CYP2C19: variants seen among roughly 807,000 people sequenced by gnomAD.
CYP2C19 encodes cytochrome P450 2C19.
A neutral mutation model predicts 40.9 loss-of-function variants in CYP2C19; 59 were observed. The observed-to-expected ratio is 1.44, with a 90% CI of 1.17 to 1.79. The LOEUF is 1.79. Ranked by LOEUF, CYP2C19 falls within the 40% of genes most tolerant of loss-of-function variation. CYP2C19 has a pLI of 0.00. For missense variants in CYP2C19, 754 were observed against 596.9 expected (o/e 1.26, Z -2.74); for synonymous variants, 253 against 208.7 (o/e 1.21, Z -1.83).
intron 3 of CYP2C19, 120 bp downstream of exon 3, chr10:94,775,659 G>A: frequency 2.6e-6 from 4 of 1,553,850 alleles, no homozygotes; most frequent in Admixed American, 3.4e-5. Flanking sequence ...GTTAGCTCAT[G>A]TGAAGCAGGG....
intron 5 of CYP2C19, among the ~76,000 whole-genome samples, chr10:94,813,286 T>C (rs966420818): frequency 2.0e-5 from 3 of 151,972 alleles, no homozygotes; most frequent in African/African-American, 7.3e-5. Flanking sequence ...CAAAGCTCTT[T>C]TGTATGAGGT....
chr10:94,811,559 G>A (rs1327369770), intron 5 of CYP2C19, among the ~76,000 whole-genome samples: 2 of 152,018 alleles, frequency 1.3e-5, no homozygotes, highest in Admixed American at 6.6e-5. Flanking sequence ...ATGAATCTGG[G>A]TGCTCCTGTA....
intron 5 of CYP2C19, among the ~76,000 whole-genome samples, chr10:94,815,507 C>G (rs533012045): frequency 2.6e-5 from 4 of 152,288 alleles, no homozygotes; most frequent in East Asian, 1.9e-4. Context: ...CTAAGTATTC[C>G]TCATCCATTG....
At chr10:94,845,453 T>A (rs1284168925) in intron 7 of CYP2C19, among the ~76,000 whole-genome samples, 1 of 152,198 alleles carries the variant, frequency 6.6e-6, no homozygotes, top group East Asian at 1.9e-4. Context: ...GCAGAGAGTA[T>A]TGTTTATTGA....
chr10:94,847,491 G>T (rs1409371188), intron 7 of CYP2C19, among the ~76,000 whole-genome samples: 1 of 152,090 alleles, frequency 6.6e-6, no homozygotes, highest in African/African-American at 2.4e-5. Flanking sequence ...TGGATATTTG[G>T]GTTGATTCCA....
chr10:94,775,318 A>T, intron 2 of CYP2C19, 72 bp from the exon 3 acceptor site: 1 of 1,612,424 alleles, frequency 6.2e-7, no homozygotes, highest in Middle Eastern at 2.1e-4. Flanking sequence ...GCCCATCCAC[A>T]TGGCTGCCCA....
chr10:94,823,087 G>C (rs1345827312), intron 6 of CYP2C19, among the ~76,000 whole-genome samples: 1 of 151,984 alleles, frequency 6.6e-6, no homozygotes, highest in South Asian at 2.1e-4. Flanking sequence ...GTACAGAGAG[G>C]ATAAACTTGT....
chr10:94,832,446 C>T (rs560796355), intron 6 of CYP2C19, among the ~76,000 whole-genome samples: 1 of 152,278 alleles, frequency 6.6e-6, no homozygotes, highest in South Asian at 2.1e-4. Context: ...GAAACCACCC[C>T]ATGTTTCAAT....
At position 94,853,267 on chromosome 10, in the gene CYP2C19, T is replaced by C; in HGVS notation, c.*353T>C. ...AAGCATTATTATTTGCTGAGTCAGG[T>C]TATTAGACCTTCCTTCCTTTGTGCA... On this transcript the variant is annotated 3_prime_UTR_variant, in exon 9 of 9. Transcript: ENST00000371321. The C allele has an allele frequency of 2.7e-6, 1 of 370,814 alleles. No individual in the cohort carries two copies. Among genetic ancestry groups the C allele is most frequent in the South Asian group, 2.3e-5 (1 of 42,792 alleles). The allele number at this position is 370,814 out of a possible 1,614,324, so 23.0% of individuals were successfully genotyped here.
chr10:94,789,929 T>C (rs190971977), intron 5 of CYP2C19, among the ~76,000 whole-genome samples: 6 of 152,280 alleles, frequency 3.9e-5, no homozygotes, highest in Admixed American at 3.9e-4. Flanking sequence ...ATAACTTACC[T>C]TGGGCAGTAT....
chr10:94,831,811 T>C (rs964296654), intron 6 of CYP2C19, among the ~76,000 whole-genome samples: 3 of 152,230 alleles, frequency 2.0e-5, no homozygotes, highest in African/African-American at 7.2e-5. Context: ...TAATCTCTTG[T>C]CAGATGAGTA....
intron 5 of CYP2C19, among the ~76,000 whole-genome samples, chr10:94,803,148 A>C (rs1266330156): frequency 2.0e-5 from 3 of 152,124 alleles, no homozygotes; most frequent in Non-Finnish European, 4.4e-5. Flanking sequence ...ATGGTGCCAG[A>C]ATTCTTATGC....
chr10:94,817,132 T>A (rs1485491774), intron 5 of CYP2C19, among the ~76,000 whole-genome samples: 1 of 147,656 alleles, frequency 6.8e-6, no homozygotes, highest in Non-Finnish European at 1.5e-5. Context: ...TTTCTAATTC[T>A]AGATCCCTGA....
chr10:94,847,181 C>T (rs189356514), intron 7 of CYP2C19, among the ~76,000 whole-genome samples: 1 of 152,206 alleles, frequency 6.6e-6, no homozygotes, highest in African/African-American at 2.4e-5. Flanking sequence ...CACCCATTAA[C>T]TTGTCATTTA....
intron 1 of CYP2C19, among the ~76,000 whole-genome samples, chr10:94,764,292 C>T (rs1023769304): frequency 1.3e-4 from 20 of 152,208 alleles, no homozygotes; most frequent in African/African-American, 4.3e-4. Context: ...CTGATTTGTC[C>T]ATTTTGCAGA....
At chr10:94,798,210 C>G (rs913685266) in intron 5 of CYP2C19, among the ~76,000 whole-genome samples, 2 of 152,062 alleles carry the variant, frequency 1.3e-5, no homozygotes, top group African/African-American at 2.4e-5. Flanking sequence ...TCATTGGTTT[C>G]AAAGAACATC....
At chr10:94,797,043 T>C (rs1373677821) in intron 5 of CYP2C19, among the ~76,000 whole-genome samples, 1 of 152,106 alleles carries the variant, frequency 6.6e-6, no homozygotes, top group Non-Finnish European at 1.5e-5. Context: ...ATAGGAGTGG[T>C]GAGAGAGGGC....
At chr10:94,794,601 C>T (rs1459925241) in intron 5 of CYP2C19, among the ~76,000 whole-genome samples, 1 of 152,020 alleles carries the variant, frequency 6.6e-6, no homozygotes, top group Non-Finnish European at 1.5e-5. Flanking sequence ...GGTAGTTCTC[C>T]TTGAAGAGGT....
chr10:94,791,288 A>G (rs528162933), intron 5 of CYP2C19, among the ~76,000 whole-genome samples: 1 of 151,980 alleles, frequency 6.6e-6, no homozygotes, highest in South Asian at 2.1e-4. Flanking sequence ...CTAGCAGTCT[A>G]TCAATTTTGT....
Sources: gnomAD v4.1 joint callset for allele counts (sites outside exome capture counted in the v4.1 genomes callset) on GRCh38, gnomAD v4.1.1 for gene constraint, MANE v1.5 for transcripts, NCBI Gene and HGNC (gene_info 2026-07-23, HGNC 2026-07-21) for gene names.